The following PDGFD variants were observed in gnomAD, a reference collection of about 807,000 sequenced individuals.
PDGFD encodes the protein platelet-derived growth factor D.
In PDGFD, 30 loss-of-function variants were observed where a neutral mutation model predicts 44.7. That is an observed-to-expected ratio of 0.67 (90% CI 0.50 to 0.91). The LOEUF (loss-of-function observed/expected upper bound fraction) is 0.91. Ranked by LOEUF, PDGFD falls within the 40% of genes least tolerant of loss-of-function variation. The probability of loss-of-function intolerance (pLI) is 0.00; values close to 1 mark genes in which losing one functional copy is unlikely to be tolerated. For synonymous variants in PDGFD, 173 were observed against 168.4 expected (o/e 1.03, Z -0.21); for missense variants, 445 against 457.8 (o/e 0.97, Z 0.25).
chr11:104,052,041 G>C (rs894901284), intron 1 of PDGFD, among the ~76,000 whole-genome samples: 7 of 151,930 alleles, frequency 4.6e-5, no homozygotes, highest in Non-Finnish European at 7.4e-5. Flanking sequence ...CTTGCCCCTG[G>C]CAACCAACAG....
chr11:104,163,246 T>C (rs1862414733), intron 1 of PDGFD, among the ~76,000 whole-genome samples: 1 of 152,142 alleles, frequency 6.6e-6, no homozygotes, highest in Non-Finnish European at 1.5e-5. Flanking sequence ...TTAGGGGACC[T>C]AAAGGGCAAT....
In PDGFD at chr11:103,947,866, C is replaced by T. The variant is rs7129152; in HGVS notation, c.511-142G>A. On this transcript the variant is annotated intron_variant, in intron 3 of 6. Transcript: ENST00000393158. ...GGCTATATTCCTGCTGAACAGGTCA[C>T]CATTTGTCTTAAGCACATCTCCTCA... 1,985 of 679,028 alleles carry T rather than the reference C, an allele frequency of 2.9e-3. 27 individuals are homozygous for T. In the African/African-American group the frequency reaches 0.031, roughly 10 times the overall value. 42.1% of individuals were successfully genotyped at this position (679,028 alleles called of 1,614,324 possible). A position where few individuals can be genotyped will look rare whatever the true frequency, so the allele number is the denominator to read the frequency against.
At chr11:104,030,700 A>G (rs543704144) in intron 1 of PDGFD, among the ~76,000 whole-genome samples, 133 of 152,316 alleles carry the variant, frequency 8.7e-4, no homozygotes, top group African/African-American at 2.8e-3. Flanking sequence ...ATGTACATTC[A>G]TGTGAAGAGA....
chr11:103,991,114 A>G (rs1394941860), intron 3 of PDGFD, among the ~76,000 whole-genome samples: 1 of 151,384 alleles, frequency 6.6e-6, no homozygotes, highest in Admixed American at 6.6e-5. Context: ...ACTCCAGCCT[A>G]GGCGACAGAA....
intron 1 of PDGFD, among the ~76,000 whole-genome samples, chr11:104,070,960 T>C (rs1860865701): frequency 6.6e-6 from 1 of 152,172 alleles, no homozygotes; most frequent in Non-Finnish European, 1.5e-5. Flanking sequence ...AAAGGTCAGA[T>C]ATTACAAAAT....
chr11:103,949,410 C>T (rs185240925), intron 3 of PDGFD, among the ~76,000 whole-genome samples: 30 of 152,228 alleles, frequency 2.0e-4, no homozygotes, highest in Admixed American at 1.6e-3. Flanking sequence ...ATTCCCACAG[C>T]GGGAAGATGT....
intron 1 of PDGFD, among the ~76,000 whole-genome samples, chr11:104,042,796 C>T (rs1359805982): frequency 6.6e-6 from 1 of 152,138 alleles, no homozygotes; most frequent in African/African-American, 2.4e-5. Context: ...CCATCAATCA[C>T]CATTTTGAAA....
chr11:103,956,276 T>C (rs1198570461), intron 3 of PDGFD, among the ~76,000 whole-genome samples: 5 of 151,326 alleles, frequency 3.3e-5, no homozygotes, highest in South Asian at 2.1e-4. Flanking sequence ...TGTGTTCTCA[T>C]TGTTCAATTC....
chr11:103,997,223 C>A (rs1406212750), intron 2 of PDGFD, among the ~76,000 whole-genome samples: 1 of 152,144 alleles, frequency 6.6e-6, no homozygotes, highest in Non-Finnish European at 1.5e-5. Context: ...ATGCTGAGGT[C>A]ACAGGCAAAT....
chr11:103,968,942 T>C (rs1859059897), intron 3 of PDGFD, among the ~76,000 whole-genome samples: 1 of 152,156 alleles, frequency 6.6e-6, no homozygotes, highest in Non-Finnish European at 1.5e-5. Context: ...TAAATTTGCA[T>C]AGGCTATTCT....
chr11:104,152,279 T>A (rs904936247), intron 1 of PDGFD, among the ~76,000 whole-genome samples: 3 of 152,226 alleles, frequency 2.0e-5, no homozygotes, highest in Admixed American at 6.5e-5. Flanking sequence ...AGCTTGTTTT[T>A]TAATTAACAA....
At chr11:104,027,721 T>C (rs1218671443) in intron 1 of PDGFD, among the ~76,000 whole-genome samples, 1 of 152,242 alleles carries the variant, frequency 6.6e-6, no homozygotes, top group Non-Finnish European at 1.5e-5. Flanking sequence ...AGATATAGAA[T>C]ACTGTCCTTT....
At chr11:104,062,246 T>C (rs1860728260) in intron 1 of PDGFD, among the ~76,000 whole-genome samples, 1 of 152,206 alleles carries the variant, frequency 6.6e-6, no homozygotes, top group Non-Finnish European at 1.5e-5. Flanking sequence ...CAGAAACAGA[T>C]ACCTTCAACC....
At position 103,983,397 on chromosome 11, in the gene PDGFD, T is replaced by C. The variant is rs188474172; in HGVS notation, c.510+12668A>G. Among the ~76,000 whole-genome samples, 25 of 151,894 alleles carry C rather than the reference T, an allele frequency of 1.6e-4. No individual in the cohort carries two copies. The East Asian group carries it at 3.7e-3, about 22-fold the overall frequency. On this transcript the variant is annotated intron_variant, in intron 3 of 6. Coordinates refer to ENST00000393158, the MANE Select transcript of PDGFD (RefSeq NM_025208.5). The stretch of plus-strand genomic sequence containing the variant: ...GAAGATTGAAACTGGACCTCTTTCT[T>C]ACACCATATACAAAAATTAACTCAC...
At chr11:103,935,102 G>A (rs953636859) in intron 5 of PDGFD, among the ~76,000 whole-genome samples, 2 of 152,132 alleles carry the variant, frequency 1.3e-5, no homozygotes, top group African/African-American at 2.4e-5. Context: ...TTGTTCATCC[G>A]ACGCTAAAAG....
At chr11:104,010,430 A>G (rs1159049226) in intron 1 of PDGFD, among the ~76,000 whole-genome samples, 2 of 152,132 alleles carry the variant, frequency 1.3e-5, no homozygotes, top group Non-Finnish European at 2.9e-5. Flanking sequence ...TAATGCCCAA[A>G]GTATTATATT....
At chr11:103,972,248 C>T (rs1292087283) in intron 3 of PDGFD, among the ~76,000 whole-genome samples, 1 of 152,150 alleles carries the variant, frequency 6.6e-6, no homozygotes, top group African/African-American at 2.4e-5. Flanking sequence ...ACCAGCATTC[C>T]TGTCCTCCGC....
At chr11:104,040,992 C>T (rs1394487705) in intron 1 of PDGFD, among the ~76,000 whole-genome samples, 1 of 151,956 alleles carries the variant, frequency 6.6e-6, no homozygotes, top group East Asian at 1.9e-4. Context: ...ATTTCAAATG[C>T]CAAGTTCCTT....
At chr11:104,163,382 T>C (rs898122589) in intron 1 of PDGFD, among the ~76,000 whole-genome samples, 8 of 152,140 alleles carry the variant, frequency 5.3e-5, no homozygotes, top group Admixed American at 6.5e-5. Flanking sequence ...AAATAAAATT[T>C]AAATAAACGT....
Sources: allele counts gnomAD v4.1 joint callset (sites outside exome capture counted in the v4.1 genomes callset), GRCh38; gene constraint gnomAD v4.1.1; transcripts MANE v1.5; gene names NCBI Gene and HGNC (gene_info 2026-07-23, HGNC 2026-07-21).